ALK: variants seen among roughly 807,000 people sequenced by gnomAD.
ALK encodes ALK receptor tyrosine kinase.
ALK carries 74 observed loss-of-function variants against 163.1 expected under a neutral mutation model. The ratio of observed to expected loss-of-function variants is 0.45; its 90% CI spans 0.38 to 0.55. The LOEUF (loss-of-function observed/expected upper bound fraction) is 0.55. Among genes scored for constraint, ALK ranks in the 20% least tolerant of loss-of-function variants. ALK has a pLI of 0.00. For synonymous variants in ALK, 960 were observed against 843.2 expected, an observed-to-expected ratio of 1.14 and a Z score of -2.40; for missense variants, 2,063 against 2,105.3, an observed-to-expected ratio of 0.98 and a Z score of 0.39.
chr2:29,322,516 G>C (rs113799611), intron 6 of ALK, among the ~76,000 whole-genome samples: 1 of 152,220 alleles, frequency 6.6e-6, no homozygotes, highest in East Asian at 1.9e-4. Flanking sequence ...TTCTCATGGA[G>C]TGTCCTTCAC....
chr2:29,831,263 GAAGAAGAAGAAGAAGAA>G lies in ALK; in HGVS notation c.667+88713_667+88729del, dbSNP rs1665408108. On this transcript the variant is annotated intron_variant, in intron 1 of 28. Transcript: ENST00000389048. The stretch of plus-strand genomic sequence containing the variant: ...AGAAGAAGAGGAAGAGGAAGAGGAA[GAAGAAGAAGAAGAAGAA>G]GAAGAAGAAGAAGAAGAAGAAGAAG... 4.0e-5 allele frequency among the ~76,000 whole-genome samples: 3 copies of G among 75,768 alleles called. No homozygotes were observed. In the South Asian group the frequency reaches 2.1e-3, roughly 52 times the overall value. The allele number at this position is 75,768 out of a possible 152,430, so 49.7% of individuals were successfully genotyped here. A position where few individuals can be genotyped will look rare whatever the true frequency, so the allele number is the denominator to read the frequency against.
intron 1 of ALK, among the ~76,000 whole-genome samples, chr2:29,720,636 G>C (rs1004535860): frequency 6.6e-6 from 1 of 152,188 alleles, no homozygotes; most frequent in Non-Finnish European, 1.5e-5. Context: ...GAACAGAAAT[G>C]AGTGCTAGTC....
Position 29,921,357 on chromosome 2 carries a change from G to T in ALK, c.-698C>A, listed in dbSNP as rs1011149497. Reference sequence around the variant, plus strand: ...CTCACCGGCGCCTCGGCTCCTCAGAGTTCGCAGGCACTGGAGCGGCCCCGG... The same window carrying T: ...CTCACCGGCGCCTCGGCTCCTCAGATTTCGCAGGCACTGGAGCGGCCCCGG... On this transcript the variant is annotated 5_prime_UTR_variant, in exon 1 of 29. Transcript: ENST00000389048. 1 of 233,118 alleles carries T rather than the reference G, an allele frequency of 4.3e-6. No individual in the cohort carries two copies. 14.4% of individuals were successfully genotyped at this position (233,118 alleles called of 1,614,324 possible). A position where few individuals can be genotyped will look rare whatever the true frequency, so the allele number is the denominator to read the frequency against.
intron 1 of ALK, among the ~76,000 whole-genome samples, chr2:29,905,120 C>G (rs1467056400): frequency 1.3e-5 from 2 of 152,220 alleles, no homozygotes; most frequent in African/African-American, 4.8e-5. Flanking sequence ...AATGCAAACA[C>G]AATTTTGTGC....
intron 25 of ALK, among the ~76,000 whole-genome samples, chr2:29,208,609 C>T (rs1185899174): frequency 3.9e-5 from 6 of 152,108 alleles, no homozygotes; most frequent in East Asian, 1.9e-4. Context: ...GCTGCTGCCC[C>T]GTGGTAACAT....
At chr2:29,605,830 T>C (rs1307994731) in intron 3 of ALK, among the ~76,000 whole-genome samples, 4 of 152,196 alleles carry the variant, frequency 2.6e-5, no homozygotes, top group Non-Finnish European at 5.9e-5. Context: ...GTGTTCCTTC[T>C]GTAGCCTCTA....
intron 4 of ALK, among the ~76,000 whole-genome samples, chr2:29,448,917 C>T (rs558446218): frequency 6.6e-6 from 1 of 152,252 alleles, no homozygotes; most frequent in East Asian, 1.9e-4. Flanking sequence ...TCGCTGCTTC[C>T]CCCAAGGCAG....
intron 2 of ALK, among the ~76,000 whole-genome samples, chr2:29,705,280 TAA>T (rs5830128): frequency 0.15 from 5,060 of 33,874 alleles, 920 homozygotes; most frequent in African/African-American, 0.2. Flanking sequence ...TATATATATA[TAA>T]ATATATATCT....
At chr2:29,409,156 A>G (rs929741931) in intron 4 of ALK, among the ~76,000 whole-genome samples, 1 of 152,176 alleles carries the variant, frequency 6.6e-6, no homozygotes, top group African/African-American at 2.4e-5. Flanking sequence ...GGAGTGAGCC[A>G]TATTTATTCT....
rs906952093 is a variant in ALK at position 29,369,498 on chromosome 2, C to T, written c.1282+14234G>A. On this transcript the variant is annotated intron_variant, in intron 5 of 28. Coordinates refer to ENST00000389048, the MANE Select transcript of ALK (RefSeq NM_004304.5). ...CCCTGGAGCTGGGCTCCAGTGTAGCCGATCCAACCATTTCAGCCACCTTGT... is the reference window on the plus strand; with the variant it reads ...CCCTGGAGCTGGGCTCCAGTGTAGCTGATCCAACCATTTCAGCCACCTTGT... Among the ~76,000 whole-genome samples the T allele has an allele frequency of 5.9e-5, 9 of 152,230 alleles. No individual in the cohort carries two copies. In the East Asian group the frequency reaches 7.7e-4, roughly 13 times the overall value.
chr2:29,284,703 A>C (rs759836454), intron 9 of ALK, among the ~76,000 whole-genome samples: 1 of 152,240 alleles, frequency 6.6e-6, no homozygotes, highest in Non-Finnish European at 1.5e-5. Context: ...CGTTAGAAAT[A>C]AGATTTAAAG....
intron 3 of ALK, among the ~76,000 whole-genome samples, chr2:29,672,639 G>A (rs933062637): frequency 3.3e-5 from 5 of 151,886 alleles, no homozygotes; most frequent in African/African-American, 4.9e-5. Context: ...ATAAACATAC[G>A]TGTGCATGTG....
chr2:29,421,676 T>A (rs946334721), intron 4 of ALK, among the ~76,000 whole-genome samples: 2 of 151,518 alleles, frequency 1.3e-5, no homozygotes, highest in African/African-American at 4.9e-5. Context: ...CCCAGCTCAC[T>A]GTCTCACGTT....
intron 18 of ALK, among the ~76,000 whole-genome samples, chr2:29,226,087 G>A (rs1381767211): frequency 6.6e-6 from 1 of 152,110 alleles, no homozygotes; most frequent in Admixed American, 6.5e-5. Context: ...AACACATGCA[G>A]AAGAGGGACA....
chr2:29,866,120 A>C (rs867691073), intron 1 of ALK, among the ~76,000 whole-genome samples: 8 of 152,214 alleles, frequency 5.3e-5, no homozygotes, highest in African/African-American at 9.6e-5. Context: ...GAGAAAGACA[A>C]GGGCATGGGA....
intron 4 of ALK, among the ~76,000 whole-genome samples, chr2:29,468,449 A>C (rs1671265765): frequency 6.6e-6 from 1 of 152,202 alleles, no homozygotes; most frequent in African/African-American, 2.4e-5. Context: ...GGAGCCATGG[A>C]GATACAGATT....
chr2:29,586,942 CAGT>C (rs947594272), intron 3 of ALK, among the ~76,000 whole-genome samples: 2 of 152,092 alleles, frequency 1.3e-5, no homozygotes, highest in African/African-American at 4.8e-5. Context: ...CTCCTGGGAC[CAGT>C]TCCAGGACGG....
At chr2:29,253,305 G>C (rs1445801285) in intron 11 of ALK, among the ~76,000 whole-genome samples, 1 of 152,182 alleles carries the variant, frequency 6.6e-6, no homozygotes, top group Non-Finnish European at 1.5e-5. Flanking sequence ...CACACGAGGG[G>C]TGATGTGGAA....
At chr2:29,812,583 G>A (rs1157061542) in intron 1 of ALK, among the ~76,000 whole-genome samples, 1 of 152,108 alleles carries the variant, frequency 6.6e-6, no homozygotes, top group Non-Finnish European at 1.5e-5. Context: ...AAATGATGGG[G>A]TTTCAGATTA....
Sources: gnomAD v4.1 joint callset for allele counts (sites outside exome capture counted in the v4.1 genomes callset) on GRCh38, gnomAD v4.1.1 for gene constraint, MANE v1.5 for transcripts, NCBI Gene and HGNC (gene_info 2026-07-23, HGNC 2026-07-21) for gene names.